The following RBM26 variants were observed in gnomAD, a reference collection of about 807,000 sequenced individuals.
The protein encoded by RBM26 is RNA binding motif protein 26.
A neutral mutation model predicts 123.6 loss-of-function variants in RBM26; 30 were observed. The ratio of observed to expected loss-of-function variants is 0.24; its 90% CI spans 0.18 to 0.33. RBM26 has a LOEUF of 0.33. Ranked by LOEUF, RBM26 falls within the 10% of genes least tolerant of loss-of-function variation. The pLI, the probability that RBM26 is intolerant of heterozygous loss-of-function variation, is 1.00. For missense variants in RBM26, 947 were observed against 1,203.6 expected, an observed-to-expected ratio of 0.79 and a Z score of 3.15; for synonymous variants, 400 against 404.4, an observed-to-expected ratio of 0.99 and a Z score of 0.13.
At chr13:79,365,874 T>A in intron 8 of RBM26, 156 bp from the exon 9 acceptor site, 1 of 954,906 alleles carries the variant, frequency 1.0e-6, no homozygotes, top group Non-Finnish European at 1.5e-6. Flanking sequence ...AAAAAGTTAT[T>A]AAAAAGAAAA....
At chr13:79,332,039 T>C (rs2069510253) in intron 20 of RBM26, among the ~76,000 whole-genome samples, 1 of 152,192 alleles carries the variant, frequency 6.6e-6, no homozygotes, top group Admixed American at 6.5e-5. Flanking sequence ...CAGTTATATC[T>C]GAATGTCTCA....
In RBM26 at chr13:79,347,041, C is replaced by T. The variant is rs115714754; in HGVS notation, c.2059-2247G>A. 4.5e-3 allele frequency among the ~76,000 whole-genome samples: 684 copies of T among 152,226 alleles called. 2 individuals are homozygous for T. Among genetic ancestry groups the T allele is most frequent in the African/African-American group, 0.015 (643 of 41,534 alleles). On this transcript the variant is annotated intron_variant, in intron 14 of 21. Coordinates refer to ENST00000438737, the MANE Select transcript of RBM26 (RefSeq NM_001366735.2). The stretch of plus-strand genomic sequence containing the variant: ...AACAAACCCATATAATTTATTTAAC[C>T]AAGTATTTCTCCAGTTTCAGTGAGA...
chr13:79,400,415 A>G lies in RBM26; in HGVS notation c.71+5289T>C, dbSNP rs1170264789. The stretch of plus-strand genomic sequence containing the variant: ...AGAAGTCAGAGGTCTCCCATAGCAG[A>G]AGTCAGAGGGGCAGAGGCAAAACCT... On this transcript the variant is annotated intron_variant, in intron 1 of 21. Transcript: ENST00000438737. Among the ~76,000 whole-genome samples the G allele has an allele frequency of 4.7e-5, 7 of 149,918 alleles. No individual in the cohort carries two copies. The South Asian group carries it at 1.5e-3, about 31-fold the overall frequency.
intron 20 of RBM26, among the ~76,000 whole-genome samples, chr13:79,325,485 T>C (rs2068242695): frequency 6.6e-6 from 1 of 152,110 alleles, no homozygotes; most frequent in Non-Finnish European, 1.5e-5. Flanking sequence ...GTGTCTTAGT[T>C]TTTAATTAAA....
intron 20 of RBM26, among the ~76,000 whole-genome samples, chr13:79,333,578 T>A (rs1020859657): frequency 1.2e-4 from 18 of 152,228 alleles, no homozygotes; most frequent in African/African-American, 4.1e-4. Flanking sequence ...GAAAACTATT[T>A]CATCCCTGGA....
At position 79,319,370 on chromosome 13, in the gene RBM26, C is replaced by A; in HGVS notation, c.*1251G>T. ...TATGTAATCTCCCACCCCCATTCTA[C>A]AAAGAATGCATTTATTTCCTGGAAA... On this transcript the variant is annotated 3_prime_UTR_variant, in exon 22 of 22. Coordinates refer to ENST00000438737, the MANE Select transcript of RBM26 (RefSeq NM_001366735.2). 2.0e-6 allele frequency: 2 copies of A among 983,902 alleles called. No homozygotes were observed. Among genetic ancestry groups the A allele is most frequent in the Non-Finnish European group, 2.4e-6 (2 of 828,810 alleles). 60.9% of individuals were successfully genotyped at this position (983,902 alleles called of 1,614,324 possible).
intron 6 of RBM26, among the ~76,000 whole-genome samples, chr13:79,367,938 A>T (rs1300083947): frequency 2.6e-5 from 4 of 152,320 alleles, no homozygotes; most frequent in African/African-American, 7.2e-5. Context: ...AAATCTCTTA[A>T]AACTAAAAAA....
chr13:79,340,134 AT>A (rs1379984651), intron 18 of RBM26, among the ~76,000 whole-genome samples: 1 of 150,604 alleles, frequency 6.6e-6, no homozygotes, highest in African/African-American at 2.4e-5. Flanking sequence ...CAATTTCTCT[AT>A]TAACATAAAA....
intron 1 of RBM26, among the ~76,000 whole-genome samples, chr13:79,389,203 A>G (rs2077731841): frequency 6.6e-6 from 1 of 152,200 alleles, no homozygotes; most frequent in South Asian, 2.1e-4. Flanking sequence ...GAAACAAAAA[A>G]CAAAATGAGG....
rs940398869 is a variant in RBM26 at position 79,388,993 on chromosome 13, C to G, written c.72-10086G>C. ...AGTATATATTAATGCTATGTGGAAT[C>G]TATAATCATTCAAACACTTTTCATT... On this transcript the variant is annotated intron_variant, in intron 1 of 21. Transcript: ENST00000438737. 6.6e-5 allele frequency among the ~76,000 whole-genome samples: 10 copies of G among 152,140 alleles called. 1 individual carries two copies. Among genetic ancestry groups the G allele is most frequent in the Admixed American group, 6.5e-5 (1 of 15,274 alleles).
chr13:79,376,580 G>A (rs2076687016), intron 3 of RBM26: 1 of 152,164 alleles, frequency 6.6e-6, no homozygotes, highest in Non-Finnish European at 1.5e-5. Context: ...AAGAGAGAAG[G>A]TTGTAAAATA....
intron 1 of RBM26, among the ~76,000 whole-genome samples, chr13:79,392,369 T>C (rs2078165839): frequency 6.9e-6 from 1 of 144,284 alleles, no homozygotes; most frequent in Admixed American, 7.0e-5. Flanking sequence ...GATGTAACCA[T>C]TACTTTTTAG....
intron 5 of RBM26, 77 bp from the exon 6 acceptor site, chr13:79,369,067 TA>T (rs2075619112): frequency 2.1e-6 from 2 of 945,944 alleles, no homozygotes; most frequent in Non-Finnish European, 3.0e-6. Flanking sequence ...GAAATAGTGA[TA>T]TTTTTATAAA....
At chr13:79,394,343 T>C (rs926993081) in intron 1 of RBM26, among the ~76,000 whole-genome samples, 2 of 152,184 alleles carry the variant, frequency 1.3e-5, no homozygotes, top group Non-Finnish European at 2.9e-5. Context: ...TTAGCACCCC[T>C]TTGGTAGGAA....
intron 18 of RBM26, among the ~76,000 whole-genome samples, chr13:79,340,229 G>A (rs2071140934): frequency 6.6e-6 from 1 of 151,920 alleles, no homozygotes; most frequent in Non-Finnish European, 1.5e-5. Flanking sequence ...TCCAGAGAAT[G>A]CAAAGGTATG....
intron 19 of RBM26, among the ~76,000 whole-genome samples, chr13:79,336,658 G>A (rs2070466318): frequency 6.6e-6 from 1 of 152,154 alleles, no homozygotes. Context: ...TCCTGACACT[G>A]ACGGAGGCAA....
chr13:79,374,017 G>A (rs1019698496), intron 3 of RBM26, among the ~76,000 whole-genome samples: 4 of 151,798 alleles, frequency 2.6e-5, no homozygotes, highest in East Asian at 1.9e-4. Flanking sequence ...AGGAAATATC[G>A]TGCAAGTGGC....
intron 3 of RBM26, among the ~76,000 whole-genome samples, chr13:79,373,270 T>C (rs1447438841): frequency 9.4e-6 from 1 of 106,702 alleles, no homozygotes. Flanking sequence ...TGGTGAGTTC[T>C]AATGTATTTA....
chr13:79,345,208 C>T (rs2072115114), intron 14 of RBM26, among the ~76,000 whole-genome samples: 1 of 152,006 alleles, frequency 6.6e-6, no homozygotes, highest in African/African-American at 2.4e-5. Flanking sequence ...TCATTTGCAA[C>T]TTCCAGTACT....
Sources: allele counts gnomAD v4.1 joint callset (sites outside exome capture counted in the v4.1 genomes callset), GRCh38; gene constraint gnomAD v4.1.1; transcripts MANE v1.5; gene names NCBI Gene and HGNC (gene_info 2026-07-23, HGNC 2026-07-21).